Variants in ARAP1 observed in about 807,000 individuals in gnomAD.
ARAP1 encodes ArfGAP with RhoGAP domain, ankyrin repeat and PH domain 1.
Under a neutral mutation model 172.2 loss-of-function variants are expected in ARAP1, and 76 were observed. That is an observed-to-expected ratio of 0.44 (90% confidence interval 0.37 to 0.53). ARAP1 has a LOEUF of 0.53. Among genes scored for constraint, ARAP1 ranks in the 20% least tolerant of loss-of-function variants. ARAP1 has a pLI of 0.00. For missense variants in ARAP1, 1,686 were observed against 1,977.5 expected, an observed-to-expected ratio of 0.85 and a Z score of 2.80; for synonymous variants, 804 against 803.3, an observed-to-expected ratio of 1.00 and a Z score of -0.01.
rs745778288 is a variant in ARAP1 at position 72,693,515 on chromosome 11, C to G, written c.3809-45G>C. 2 of 1,588,304 alleles carry G rather than the reference C, an allele frequency of 1.3e-6. No individual in the cohort carries two copies. Among genetic ancestry groups the G allele is most frequent in the East Asian group, 2.2e-5 (1 of 44,464 alleles). Reference sequence around the variant, plus strand: ...TGGGCACAGGCTGCACCAACCCCTACCCGGGGCTGGGTCCCAGGATGAAGG... The same window carrying G: ...TGGGCACAGGCTGCACCAACCCCTAGCCGGGGCTGGGTCCCAGGATGAAGG... On this transcript the variant is annotated intron_variant, in intron 28 of 34. Transcript: ENST00000393609. This position sits in a 1 kb window ranked among gnomAD's most constrained non-coding sequence, Gnocchi z 4.6.
chr11:72,696,910 A>C, intron 22 of ARAP1, 73 bp downstream of exon 22: 1 of 1,475,344 alleles, frequency 6.8e-7, no homozygotes, highest in Non-Finnish European at 9.1e-7. Context: ...TGCAAGTGCC[A>C]CAAGGGAAGG....
chr11:72,705,974 G>A, intron 12 of ARAP1, 84 bp from the exon 13 acceptor site: 1 of 1,433,260 alleles, frequency 7.0e-7, no homozygotes. Context: ...TACTGGGACA[G>A]GCAGGGATGA....
rs1857121878 is a variant in ARAP1, at chr11:72,713,360, CT to C, written c.680-118del. 1.7e-5 allele frequency: 16 copies of C among 938,714 alleles called. No individual in the cohort carries two copies. The South Asian group carries it at 2.4e-4, about 14-fold the overall frequency. 58.1% of individuals were successfully genotyped at this position (938,714 alleles called of 1,614,324 possible). On this transcript the variant is annotated intron_variant, in intron 4 of 34. Transcript: ENST00000393609. ...CCAAGACCCCCATCCCCACCTCCCC[CT>C]GGCTTTCAAAAAAAGGCACAGGGGA...
At chr11:72,696,783 C>A in intron 22 of ARAP1, 129 bp from the exon 23 acceptor site, 1 of 950,868 alleles carries the variant, frequency 1.1e-6, no homozygotes, top group South Asian at 1.7e-5. Flanking sequence ...GCAGGCCAGG[C>A]ATTCAACCAG....
chr11:72,715,235 G>A (rs1224006726), intron 3 of ARAP1, among the ~76,000 whole-genome samples: 2 of 152,250 alleles, frequency 1.3e-5, no homozygotes, highest in African/African-American at 4.8e-5. Flanking sequence ...GACAGGATGT[G>A]TCATGTGCCA....
Position 72,741,438 on chromosome 11 carries a change from G to A in ARAP1, c.-127-8841C>T, listed in dbSNP as rs914394946. Among the ~76,000 whole-genome samples, 3 of 152,102 alleles carry A rather than the reference G, an allele frequency of 2.0e-5. No individual in the cohort carries two copies. Among genetic ancestry groups the A allele is most frequent in the Admixed American group, 6.5e-5 (1 of 15,272 alleles). ...CCCCACACCTACAGAGACCTGGGGCGCTCCCACCACCAGCAAGACAGGGCT... is the reference window on the plus strand; with the variant it reads ...CCCCACACCTACAGAGACCTGGGGCACTCCCACCACCAGCAAGACAGGGCT... On this transcript the variant is annotated intron_variant, in intron 1 of 34. Transcript: ENST00000393609. The surrounding 1 kb of genome is among the most constrained non-coding windows in gnomAD (Gnocchi z 4.5).
intron 1 of ARAP1, among the ~76,000 whole-genome samples, chr11:72,739,998 T>C (rs1380997350): frequency 6.6e-6 from 1 of 152,176 alleles, no homozygotes; most frequent in African/African-American, 2.4e-5. Flanking sequence ...CCAGCTCCCC[T>C]TGGGGACTGT....
rs1480731321 is a variant in ARAP1 at position 72,699,563 on chromosome 11, T to A, written c.2303-11A>T. ...AGCGCCGGCTGAACTCTGGGGAGAA[T>A]TTGGGCAGGGGAGCCATCAGGGAGC... On this transcript the variant is annotated splice_polypyrimidine_tract_variant and intron_variant, in intron 16 of 34. Coordinates refer to ENST00000393609, the MANE Select transcript of ARAP1 (RefSeq NM_001040118.3). This position sits in a 1 kb window ranked among gnomAD's most constrained non-coding sequence, Gnocchi z 4.2. 6.2e-7 allele frequency: 1 copy of A among 1,609,462 alleles called. No homozygotes were observed. Among genetic ancestry groups the A allele is most frequent in the Non-Finnish European group, 8.5e-7 (1 of 1,178,088 alleles).
chr11:72,687,541 C>T (rs972747081), intron 32 of ARAP1, 39 bp from the exon 33 acceptor site: 3 of 1,614,094 alleles, frequency 1.9e-6, no homozygotes, highest in African/African-American at 1.3e-5. Context: ...TGCCAAAGGC[C>T]TGACTGAGCA....
chr11:72,708,051 C>T (rs1222762980), intron 11 of ARAP1: 1 of 151,858 alleles, frequency 6.6e-6, no homozygotes, highest in Non-Finnish European at 1.5e-5. Context: ...GGTGGGAGGC[C>T]CTGGTTGAAC....
chr11:72,720,344 C>A (rs1857456900), intron 3 of ARAP1, among the ~76,000 whole-genome samples: 1 of 152,162 alleles, frequency 6.6e-6, no homozygotes, highest in South Asian at 2.1e-4. Context: ...CATCATGAGA[C>A]CCAAAGGTCA....
chr11:72,693,051 G>C lies in ARAP1; in HGVS notation c.3955-266C>G. 1 of 644,124 alleles carries C rather than the reference G, an allele frequency of 1.6e-6. No individual in the cohort carries two copies. The highest frequency in any genetic ancestry group is 2.7e-6 in the Non-Finnish European group (1 of 369,804). The allele number at this position is 644,124 out of a possible 1,614,324, so 39.9% of individuals were successfully genotyped here. On this transcript the variant is annotated intron_variant, in intron 29 of 34. Transcript: ENST00000393609. This position sits in a 1 kb window ranked among gnomAD's most constrained non-coding sequence, Gnocchi z 4.6. ...CAAGTAACAGGTTCCTGTGGATGCA[G>C]TGATAAGGCACAGGCACAGTGAGAC... is the stretch of plus-strand genomic sequence containing the variant.
intron 33 of ARAP1, among the ~76,000 whole-genome samples, chr11:72,686,540 AAAAGAACACAGCTCCAAG>A (rs571660263): frequency 2.8e-4 from 43 of 152,358 alleles, no homozygotes; most frequent in Non-Finnish European, 4.6e-4. Flanking sequence ...GCTCAGGGCT[AAAAGAACACAGCTCCAAG>A]AAAGAACTCA....
intron 3 of ARAP1, among the ~76,000 whole-genome samples, chr11:72,719,913 C>T (rs1254289222): frequency 6.6e-6 from 1 of 152,162 alleles, no homozygotes; most frequent in East Asian, 1.9e-4. Context: ...TATAAAAAGC[C>T]CAAATCATAC....
intron 16 of ARAP1, among the ~76,000 whole-genome samples, chr11:72,700,985 C>T (rs1406909309): frequency 6.6e-6 from 1 of 152,098 alleles, no homozygotes; most frequent in South Asian, 2.1e-4. Context: ...GCAACAAGAG[C>T]GAAACTCCAT....
At chr11:72,686,955 G>A (rs2135482185) in intron 33 of ARAP1, among the ~76,000 whole-genome samples, 1 of 152,272 alleles carries the variant, frequency 6.6e-6, no homozygotes, top group East Asian at 1.9e-4. Flanking sequence ...CCTTTCCTGT[G>A]CTGACTTCCA....
rs1048920989 is a variant in ARAP1 at position 72,695,296 on chromosome 11, G to A, written c.3576+91C>T. 146 of 1,550,856 alleles carry A rather than the reference G, an allele frequency of 9.4e-5. No individual in the cohort carries two copies. The highest frequency in any genetic ancestry group is 6.2e-4 in the South Asian group (55 of 88,606). ...CAGGTCCCAAACTGGTCCTCTCCTC[G>A]GGGTAGAAGCACTGCTCCCCTGGCC... On this transcript the variant is annotated intron_variant, in intron 26 of 34. Transcript: ENST00000393609. This position sits in a 1 kb window ranked among gnomAD's most constrained non-coding sequence, Gnocchi z 4.4.
At chr11:72,703,259 A>AT in intron 14 of ARAP1, 180 bp from the exon 15 acceptor site, 1 of 664,324 alleles carries the variant, frequency 1.5e-6, no homozygotes, top group Non-Finnish European at 2.4e-6. Flanking sequence ...AGAGAGGCCA[A>AT]GGGGAGGAGG....
chr11:72,730,449 C>G (rs921432943), intron 2 of ARAP1, among the ~76,000 whole-genome samples: 1 of 152,102 alleles, frequency 6.6e-6, no homozygotes, highest in East Asian at 1.9e-4. Context: ...CTGGGCTGGG[C>G]GCGGTGGCTC....
Sources: gnomAD v4.1 joint callset for allele counts (sites outside exome capture counted in the v4.1 genomes callset) on GRCh38, gnomAD v4.1.1 for gene constraint, Gnocchi (gnomAD v3.1) non-coding constraint, MANE v1.5 for transcripts, NCBI Gene and HGNC (gene_info 2026-07-23, HGNC 2026-07-21) for gene names.